SEC23A: variants seen among roughly 807,000 people sequenced by gnomAD.
SEC23A encodes protein transport protein Sec23A.
Under a neutral mutation model 103.7 loss-of-function variants are expected in SEC23A, and 56 were observed. The observed-to-expected ratio is 0.54, with a 90% CI of 0.44 to 0.67. SEC23A has a LOEUF of 0.67. Among genes scored for constraint, SEC23A ranks in the 30% least tolerant of loss-of-function variants. The pLI is 0.00. For synonymous variants in SEC23A, 281 were observed against 293.0 expected (o/e 0.96, Z 0.42); for missense variants, 784 against 936.4 (o/e 0.84, Z 2.12).
intron 8 of SEC23A, among the ~76,000 whole-genome samples, chr14:39,075,476 A>AT (rs2139252759): frequency 6.6e-6 from 1 of 152,348 alleles, no homozygotes; most frequent in East Asian, 1.9e-4. Context: ...CATTAGTGAA[A>AT]TGTACTTACA....
At chr14:39,076,734 T>G (rs149832245) in intron 7 of SEC23A, among the ~76,000 whole-genome samples, 12 of 151,750 alleles carry the variant, frequency 7.9e-5, no homozygotes, top group Admixed American at 7.2e-4. Flanking sequence ...AAGACCAGCC[T>G]GGTCAACATG....
chr14:39,094,434 ATATATATATTTTT>A lies in SEC23A; in HGVS notation c.222-1203_222-1191del, dbSNP rs1476678383. On this transcript the variant is annotated intron_variant, in intron 2 of 19. Transcript: ENST00000307712. Reference sequence around the variant, plus strand: ...TATATATATATATATATATATATATATATATATATTTTTTTTTTTTTTTTTTCCCCTCCTGTAG... The same window carrying A: ...TATATATATATATATATATATATATATTTTTTTTTTTTTCCCCTCCTGTAG... 1.6e-3 allele frequency among the ~76,000 whole-genome samples: 49 copies of A among 29,852 alleles called. 9 individuals are homozygous for A. Among genetic ancestry groups the A allele is most frequent in the South Asian group, 7.4e-3 (7 of 940 alleles). 19.6% of individuals were successfully genotyped at this position (29,852 alleles called of 152,430 possible).
At chr14:39,091,058 CT>C in intron 5 of SEC23A, 1 of 408,842 alleles carries the variant, frequency 2.4e-6, no homozygotes, top group South Asian at 2.0e-5. Flanking sequence ...AAAGAAGAAC[CT>C]GAGGAGTATG....
At chr14:39,097,651 TAAAG>T (rs951775963) in intron 1 of SEC23A, among the ~76,000 whole-genome samples, 13 of 152,232 alleles carry the variant, frequency 8.5e-5, no homozygotes, top group Admixed American at 8.5e-4. Context: ...AAATAAAAAT[TAAAG>T]AAAACACTGT....
chr14:39,066,590 C>T (rs1886676796), intron 10 of SEC23A, among the ~76,000 whole-genome samples: 1 of 151,866 alleles, frequency 6.6e-6, no homozygotes, highest in African/African-American at 2.4e-5. Flanking sequence ...ACAGGCCAGA[C>T]GTGGTGGCTC....
chr14:39,096,635 C>T (rs1566517201), intron 1 of SEC23A, among the ~76,000 whole-genome samples: 1 of 151,918 alleles, frequency 6.6e-6, no homozygotes, highest in Non-Finnish European at 1.5e-5. Context: ...GTTCACAAGG[C>T]CCAATAAGAG....
chr14:39,033,206 ATCT>A lies in SEC23A; in HGVS notation c.*30_*32del. ...AAAAATGAAATTTGAATATTATTTC[ATCT>A]TCTTAAGTGTCTTTAACATTATTAG... On this transcript the variant is annotated 3_prime_UTR_variant, in exon 20 of 20. Coordinates refer to ENST00000307712, the MANE Select transcript of SEC23A (RefSeq NM_006364.4). 1 of 1,446,192 alleles carries A rather than the reference ATCT, an allele frequency of 6.9e-7. No homozygotes were observed. Among genetic ancestry groups the A allele is most frequent in the Non-Finnish European group, 9.7e-7 (1 of 1,027,308 alleles). The allele number at this position is 1,446,192 out of a possible 1,614,324, so 89.6% of individuals were successfully genotyped here.
chr14:39,089,377 T>C (rs1056874563), intron 5 of SEC23A, among the ~76,000 whole-genome samples: 1 of 152,106 alleles, frequency 6.6e-6, no homozygotes, highest in Non-Finnish European at 1.5e-5. Context: ...TATCTCTATT[T>C]TACAATTGAA....
At chr14:39,079,585 T>A (rs549015887) in intron 7 of SEC23A, among the ~76,000 whole-genome samples, 62 of 152,142 alleles carry the variant, frequency 4.1e-4, no homozygotes, top group African/African-American at 1.4e-3. Flanking sequence ...TTTGGGAGGA[T>A]GAGGTGGGCG....
chr14:39,087,036 C>A (rs906521395), intron 5 of SEC23A, 28 bp from the exon 6 acceptor site: 3 of 1,208,772 alleles, frequency 2.5e-6, no homozygotes, highest in African/African-American at 3.0e-5. Flanking sequence ...GTGCAATATT[C>A]ATTTAATTAC....
Position 39,058,132 on chromosome 14 carries a change from T to C in SEC23A, c.1506-2836A>G, listed in dbSNP as rs78303542. Among the ~76,000 whole-genome samples the C allele has an allele frequency of 7.8e-3, 1,182 of 152,300 alleles. 13 individuals are homozygous for C. The highest frequency in any genetic ancestry group is 0.026 in the African/African-American group (1,078 of 41,568). On this transcript the variant is annotated intron_variant, in intron 13 of 19. Coordinates refer to ENST00000307712, the MANE Select transcript of SEC23A (RefSeq NM_006364.4). ...CAGCAATACATTTTATCTGTTTGTT[T>C]GTTTGTTTAATATTTCAGATATAGT... is the stretch of plus-strand genomic sequence containing the variant.
At chr14:39,096,888 T>C (rs1320383951) in intron 1 of SEC23A, among the ~76,000 whole-genome samples, 2 of 152,190 alleles carry the variant, frequency 1.3e-5, no homozygotes, top group Non-Finnish European at 2.9e-5. Context: ...GAAGAGAATG[T>C]TTAATGGTAT....
chr14:39,074,534 C>T lies in SEC23A; in HGVS notation c.988-4G>A. On this transcript the variant is annotated splice_region_variant and splice_polypyrimidine_tract_variant and intron_variant, in intron 8 of 19. Transcript: ENST00000307712. Reference sequence around the variant, plus strand: ...GATTAGCCAATGCTTCAAAATGCTACAAAAGATTTTCTTAATTAAAATAAT... The same window carrying T: ...GATTAGCCAATGCTTCAAAATGCTATAAAAGATTTTCTTAATTAAAATAAT... 2 of 1,573,852 alleles carry T rather than the reference C, an allele frequency of 1.3e-6. No homozygotes were observed. The highest frequency in any genetic ancestry group is 1.7e-6 in the Non-Finnish European group (2 of 1,145,352).
chr14:39,044,108 A>G (rs1472623147), intron 16 of SEC23A, among the ~76,000 whole-genome samples: 1 of 152,208 alleles, frequency 6.6e-6, no homozygotes, highest in African/African-American at 2.4e-5. Flanking sequence ...GAAAGTAATT[A>G]TATAGAACAG....
chr14:39,090,698 C>T (rs1594482094), intron 5 of SEC23A, among the ~76,000 whole-genome samples: 1 of 152,158 alleles, frequency 6.6e-6, no homozygotes, highest in Non-Finnish European at 1.5e-5. Context: ...GGGTGAGACC[C>T]TCACTTCATC....
intron 13 of SEC23A, among the ~76,000 whole-genome samples, chr14:39,058,525 T>G (rs2139218962): frequency 6.6e-6 from 1 of 152,298 alleles, no homozygotes; most frequent in Middle Eastern, 3.4e-3. Flanking sequence ...GCCAGGATGG[T>G]CTTGATCTCC....
intron 7 of SEC23A, among the ~76,000 whole-genome samples, chr14:39,082,049 T>G (rs1417585051): frequency 2.0e-5 from 3 of 152,006 alleles, no homozygotes; most frequent in South Asian, 2.1e-4. Flanking sequence ...CAACTTACTA[T>G]ACCAGAAAGG....
intron 7 of SEC23A, among the ~76,000 whole-genome samples, chr14:39,083,099 T>C (rs887227807): frequency 1.3e-5 from 2 of 152,138 alleles, no homozygotes; most frequent in African/African-American, 2.4e-5. Context: ...TCCTGGTTCA[T>C]AGGAAATACA....
intron 15 of SEC23A, among the ~76,000 whole-genome samples, chr14:39,047,594 C>A (rs553259726): frequency 1.6e-4 from 25 of 152,156 alleles, no homozygotes; most frequent in African/African-American, 6.0e-4. Flanking sequence ...ATTTCCACAT[C>A]TCAATATTAA....
Sources: allele counts gnomAD v4.1 joint callset (sites outside exome capture counted in the v4.1 genomes callset), GRCh38; gene constraint gnomAD v4.1.1; transcripts MANE v1.5; gene names NCBI Gene and HGNC (gene_info 2026-07-23, HGNC 2026-07-21).